Variants in SLC15A1 observed in about 807,000 individuals in gnomAD.
The protein encoded by SLC15A1 is solute carrier family 15 member 1.
A neutral mutation model predicts 92.9 loss-of-function variants in SLC15A1; 83 were observed. The observed-to-expected ratio is 0.89, with a 90% CI of 0.75 to 1.07. The LOEUF is 1.07. SLC15A1 is among the 50% of genes least tolerant of loss of function. The pLI, the probability that SLC15A1 is intolerant of heterozygous loss-of-function variation, is 0.00. For synonymous variants in SLC15A1, 322 were observed against 318.2 expected, an observed-to-expected ratio of 1.01 and a Z score of -0.13; for missense variants, 857 against 880.1, an observed-to-expected ratio of 0.97 and a Z score of 0.33.
chr13:98,751,355 T>G (rs1469994451), intron 1 of SLC15A1, among the ~76,000 whole-genome samples: 1 of 152,206 alleles, frequency 6.6e-6, no homozygotes, highest in African/African-American at 2.4e-5. Context: ...GCTCTCGGGA[T>G]TGGATCTGCT....
intron 1 of SLC15A1, among the ~76,000 whole-genome samples, chr13:98,727,387 T>G (rs1289270750): frequency 6.6e-6 from 1 of 152,176 alleles, no homozygotes; most frequent in Non-Finnish European, 1.5e-5. Context: ...ATCACCATAC[T>G]GTAATGATGG....
chr13:98,685,527 T>C (rs2087922501), intron 22 of SLC15A1, among the ~76,000 whole-genome samples: 1 of 152,226 alleles, frequency 6.6e-6, no homozygotes, highest in Admixed American at 6.5e-5. Flanking sequence ...CTTCAGGTGT[T>C]ATGAAAGTTC....
intron 18 of SLC15A1, among the ~76,000 whole-genome samples, chr13:98,699,000 G>A (rs758258443): frequency 9.2e-5 from 14 of 152,092 alleles, no homozygotes; most frequent in South Asian, 2.1e-4. Flanking sequence ...CTTTTGGGGT[G>A]CACAGTGCTA....
At chr13:98,710,022 A>G in intron 11 of SLC15A1, 111 bp from the exon 12 acceptor site, 1 of 1,014,916 alleles carries the variant, frequency 9.9e-7, no homozygotes, top group South Asian at 1.4e-5. Context: ...ATGTTATGGG[A>G]TTTAAAGTTG....
At chr13:98,712,413 C>T in intron 10 of SLC15A1, 85 bp downstream of exon 10, 1 of 1,050,938 alleles carries the variant, frequency 9.5e-7, no homozygotes, top group South Asian at 1.3e-5. Flanking sequence ...ACCATTTTGT[C>T]CATGTAACCT....
At chr13:98,719,086 A>G in intron 8 of SLC15A1, 151 bp downstream of exon 8, 1 of 596,914 alleles carries the variant, frequency 1.7e-6, no homozygotes, top group Non-Finnish European at 3.0e-6. Context: ...CTTTCTTTGA[A>G]TACTTAGAGC....
chr13:98,741,219 G>A (rs1398644860), intron 1 of SLC15A1, among the ~76,000 whole-genome samples: 1 of 152,202 alleles, frequency 6.6e-6, no homozygotes, highest in Non-Finnish European at 1.5e-5. Context: ...ACTGGAGCAT[G>A]GGCTGCATTC....
At chr13:98,687,557 T>G in intron 21 of SLC15A1, 24 bp downstream of exon 21, 1 of 1,612,330 alleles carries the variant, frequency 6.2e-7, no homozygotes, top group East Asian at 2.2e-5. Context: ...TGCAGATGGG[T>G]GGTAAATACA....
At chr13:98,713,241 T>A (rs1057307571) in intron 9 of SLC15A1, among the ~76,000 whole-genome samples, 1 of 151,818 alleles carries the variant, frequency 6.6e-6, no homozygotes, top group African/African-American at 2.4e-5. Context: ...ATTTTTTTTT[T>A]AATGGAGACA....
At chr13:98,722,609 T>C (rs1191611730) in intron 5 of SLC15A1, among the ~76,000 whole-genome samples, 1 of 152,208 alleles carries the variant, frequency 6.6e-6, no homozygotes, top group East Asian at 1.9e-4. Context: ...ATGTTGCTTT[T>C]AAACACTTAA....
intron 18 of SLC15A1, among the ~76,000 whole-genome samples, chr13:98,692,136 CTTTTTTT>C (rs528865683): frequency 0.03 from 2,048 of 67,230 alleles, 27 homozygotes; most frequent in Middle Eastern, 0.073. Context: ...TTCTCCTAAA[CTTTTTTT>C]TTTTTTTTTT....
intron 8 of SLC15A1, 23 bp from the exon 9 acceptor site, chr13:98,715,983 T>C: frequency 6.2e-7 from 1 of 1,606,780 alleles, no homozygotes; most frequent in Non-Finnish European, 8.5e-7. Context: ...GAAGAAGACA[T>C]GTCAGCAAAG....
At position 98,709,857 on chromosome 13, in the gene SLC15A1, T is replaced by G. The variant is rs2088147156; in HGVS notation, c.945+10A>C. Reference sequence around the variant, plus strand: ...GGACAAAGAAACTAAAACAAAGGAGTCAAACTTACGATTTTCCCGGACATA... The same window carrying G: ...GGACAAAGAAACTAAAACAAAGGAGGCAAACTTACGATTTTCCCGGACATA... On this transcript the variant is annotated intron_variant, in intron 12 of 22. Transcript: ENST00000376503. The G allele has an allele frequency of 1.2e-6, 2 of 1,613,480 alleles. No individual in the cohort carries two copies. Among genetic ancestry groups the G allele is most frequent in the Admixed American group, 3.3e-5 (2 of 59,946 alleles).
Position 98,684,747 on chromosome 13 carries a change from C to G in SLC15A1, c.2104G>C (p.Ala702Pro). Residue 702 changes from alanine to proline, a missense_variant, in exon 23 of 23, where the codon GCC (alanine) becomes CCC (proline). Ala to Pro is a conservative substitution (Grantham distance 27). Coordinates refer to ENST00000376503, the MANE Select transcript of SLC15A1 (RefSeq NM_005073.4). ...EKSNPYFMSG[A>P]NSQKQM Reference sequence around the variant, plus strand: ...CTTCACATCTGTTTCTGTGAATTGGCCCCTGACATGAAATATGGGTTACTC... The same window carrying G: ...CTTCACATCTGTTTCTGTGAATTGGGCCCTGACATGAAATATGGGTTACTC... 1 of 1,614,006 alleles carries G rather than the reference C, an allele frequency of 6.2e-7. No individual in the cohort carries two copies. Among genetic ancestry groups the G allele is most frequent in the South Asian group, 1.1e-5 (1 of 91,076 alleles).
Position 98,704,432 on chromosome 13 carries a change from T to C in SLC15A1, c.1273A>G (p.Asn425Asp). ...TTTACATCAAAAGTCATAAATGCAT[T>C]TGTCTATAGAGGGAGGGAAAGAGGC... is the stretch of plus-strand genomic sequence containing the variant. Reference protein sequence around the residue: ...MVTLGPMSQTNAFMTFDVNKL... With the variant: ...MVTLGPMSQTDAFMTFDVNKL... Residue 425 changes from asparagine (N) to aspartate (D), a missense_variant, in exon 17 of 23, where the codon AAT becomes GAT. Physicochemically the swap from Asn to Asp is conservative, Grantham distance 23 (BLOSUM62 1). Transcript: ENST00000376503. 1 of 1,612,502 alleles carries C rather than the reference T, an allele frequency of 6.2e-7. No individual in the cohort carries two copies. The highest frequency in any genetic ancestry group is 8.5e-7 in the Non-Finnish European group (1 of 1,179,294).
chr13:98,729,007 C>CCCCAAAAAAAAAAAAAAAAAA (rs2088326356), intron 1 of SLC15A1, among the ~76,000 whole-genome samples: 1 of 69,654 alleles, frequency 1.4e-5, no homozygotes, highest in Non-Finnish European at 2.9e-5. Context: ...AAAAAAAAAA[C>CCCCAAAAAAAAAAAAAAAAAA]AACAAGCCCC....
At position 98,688,553 on chromosome 13, in the gene SLC15A1, G is replaced by A. The variant is rs1222407257; in HGVS notation, c.1491C>T (p.Leu497=). 6.2e-7 allele frequency: 1 copy of A among 1,613,614 alleles called. No homozygotes were observed. Among genetic ancestry groups the A allele is most frequent in the Non-Finnish European group, 8.5e-7 (1 of 1,179,736 alleles). The part of the protein sequence containing the change: ...GIRFVNTFNE[L]ITITMSGKVY... ...CTTTCCCACTCATTGTGATGGTGAT[G>A]AGCTCGTTAAAAGTATTTACAAATC... Residue 497 remains leucine (L), a synonymous_variant, in exon 19 of 23, where the codon CTC becomes CTT. Transcript: ENST00000376503.
Position 98,684,590 on chromosome 13 carries a change from AAT to A in SLC15A1, c.*132_*133del. 1 of 539,806 alleles carries A rather than the reference AAT, an allele frequency of 1.9e-6. No individual in the cohort carries two copies. 33.4% of individuals were successfully genotyped at this position (539,806 alleles called of 1,614,324 possible). ...AAAAGAAAAGAAAAAGAAAAAAGAA[AAT>A]AGCATTCATGGTTTAGTTCCCAATT... On this transcript the variant is annotated 3_prime_UTR_variant, in exon 23 of 23. Coordinates refer to ENST00000376503, the MANE Select transcript of SLC15A1 (RefSeq NM_005073.4).
chr13:98,730,250 AGGGGAAGGGGAGGGGAAGGGG>A, intron 1 of SLC15A1, among the ~76,000 whole-genome samples: 1 of 12,450 alleles, frequency 8.0e-5, no homozygotes, highest in Non-Finnish European at 1.6e-4. Context: ...GGGGAAGGGG[AGGGGAAGGGGAGGGGAAGGGG>A]AGGGGAAGGG....
Sources: allele counts gnomAD v4.1 joint callset (sites outside exome capture counted in the v4.1 genomes callset), GRCh38; gene constraint gnomAD v4.1.1; transcripts MANE v1.5; gene names NCBI Gene and HGNC (gene_info 2026-07-23, HGNC 2026-07-21).